The following AGBL4 variants were observed in gnomAD, a reference collection of about 807,000 sequenced individuals.
AGBL4 encodes cytosolic carboxypeptidase 6.
In AGBL4, 58 loss-of-function variants were observed where a neutral mutation model predicts 66.4. The ratio of observed to expected loss-of-function variants is 0.87; its 90% CI spans 0.71 to 1.09. The LOEUF (loss-of-function observed/expected upper bound fraction) is 1.09. Ranked by LOEUF, AGBL4 falls within the 50% of genes least tolerant of loss-of-function variation. The pLI is 0.00. For synonymous variants in AGBL4, 234 were observed against 222.9 expected, an observed-to-expected ratio of 1.05 and a Z score of -0.44; for missense variants, 579 against 631.0, an observed-to-expected ratio of 0.92 and a Z score of 0.88.
intron 6 of AGBL4, among the ~76,000 whole-genome samples, chr1:48,730,940 T>C (rs1648026153): frequency 6.6e-6 from 1 of 152,242 alleles, no homozygotes; most frequent in African/African-American, 2.4e-5. Flanking sequence ...AGCAAGACTC[T>C]GCTTCAGCTC....
intron 3 of AGBL4, among the ~76,000 whole-genome samples, chr1:49,597,923 C>T (rs1315327295): frequency 2.0e-5 from 3 of 152,084 alleles, no homozygotes; most frequent in African/African-American, 2.4e-5. Flanking sequence ...TGGGCTGAGC[C>T]GATGGGGTTT....
intron 1 of AGBL4, among the ~76,000 whole-genome samples, chr1:49,942,392 C>T (rs553859292): frequency 4.0e-4 from 60 of 151,710 alleles, no homozygotes; most frequent in Non-Finnish European, 7.8e-4. Context: ...CAAACTTGAG[C>T]GAAAAAACAA....
At chr1:49,978,607 G>A (rs12404447) in intron 1 of AGBL4, among the ~76,000 whole-genome samples, 48,163 of 152,000 alleles carry the variant, frequency 0.32, 8,399 homozygotes, top group East Asian at 0.73. Context: ...GACAATGTGA[G>A]AATATGGAAA....
chr1:48,766,599 A>C (rs571668015), intron 6 of AGBL4, among the ~76,000 whole-genome samples: 1 of 152,332 alleles, frequency 6.6e-6, no homozygotes, highest in East Asian at 1.9e-4. Flanking sequence ...TGAATAGTCC[A>C]GGAAGCTCTG....
intron 2 of AGBL4, among the ~76,000 whole-genome samples, chr1:49,796,582 T>C (rs1644735934): frequency 6.6e-6 from 1 of 151,376 alleles, no homozygotes; most frequent in African/African-American, 2.4e-5. Flanking sequence ...TAAAAATTCG[T>C]TCATGTATAA....
intron 6 of AGBL4, among the ~76,000 whole-genome samples, chr1:48,697,902 C>T (rs763057147): frequency 5.9e-5 from 9 of 152,284 alleles, no homozygotes; most frequent in East Asian, 1.9e-4. Context: ...GAGAAAAAAA[C>T]GTTATATGCA....
intron 5 of AGBL4, among the ~76,000 whole-genome samples, chr1:49,005,134 A>G (rs575662826): frequency 6.6e-6 from 1 of 152,322 alleles, no homozygotes; most frequent in South Asian, 2.1e-4. Flanking sequence ...TTGAAAAATC[A>G]TATCACCTAT....
At chr1:48,751,989 A>C (rs747640067) in intron 6 of AGBL4, among the ~76,000 whole-genome samples, 7 of 152,224 alleles carry the variant, frequency 4.6e-5, no homozygotes, top group Non-Finnish European at 1.0e-4. Flanking sequence ...AAGATGACTG[A>C]TATTTTTCAG....
intron 3 of AGBL4, among the ~76,000 whole-genome samples, chr1:49,251,701 T>C (rs1446272484): frequency 6.6e-6 from 1 of 152,148 alleles, no homozygotes; most frequent in Non-Finnish European, 1.5e-5. Context: ...GCAGATGCTG[T>C]ACCTCAGTTC....
At chr1:48,545,944 C>A (rs1257045663) in intron 11 of AGBL4, among the ~76,000 whole-genome samples, 2 of 152,172 alleles carry the variant, frequency 1.3e-5, no homozygotes, top group African/African-American at 4.8e-5. Flanking sequence ...GGGCTCCTCC[C>A]ATGTGTATAC....
At chr1:49,339,632 T>A (rs1163067359) in intron 3 of AGBL4, among the ~76,000 whole-genome samples, 1 of 152,234 alleles carries the variant, frequency 6.6e-6, no homozygotes, top group Non-Finnish European at 1.5e-5. Flanking sequence ...AGTGCTGATG[T>A]TTCTAAACTA....
intron 4 of AGBL4, among the ~76,000 whole-genome samples, chr1:49,145,227 T>A (rs1210470294): frequency 2.0e-5 from 3 of 152,158 alleles, no homozygotes; most frequent in Non-Finnish European, 4.4e-5. Context: ...TAATCTCACA[T>A]CATTCTCTAC....
chr1:49,322,959 C>A (rs951846438), intron 3 of AGBL4, among the ~76,000 whole-genome samples: 1 of 152,120 alleles, frequency 6.6e-6, no homozygotes, highest in African/African-American at 2.4e-5. Flanking sequence ...TGTAATATTT[C>A]TTATATTGTC....
At chr1:49,083,528 A>T (rs1644844244) in intron 4 of AGBL4, among the ~76,000 whole-genome samples, 1 of 152,106 alleles carries the variant, frequency 6.6e-6, no homozygotes, top group Non-Finnish European at 1.5e-5. Context: ...ACAGCTGGAG[A>T]GGTTGGGACA....
At chr1:49,160,119 G>A (rs1457720683) in intron 4 of AGBL4, among the ~76,000 whole-genome samples, 1 of 152,158 alleles carries the variant, frequency 6.6e-6, no homozygotes, top group Non-Finnish European at 1.5e-5. Flanking sequence ...GTGAGGAGTT[G>A]TGATACTTTG....
chr1:49,770,877 T>C (rs1644036790), intron 2 of AGBL4, among the ~76,000 whole-genome samples: 1 of 152,180 alleles, frequency 6.6e-6, no homozygotes, highest in Non-Finnish European at 1.5e-5. Flanking sequence ...TCATCTCTGA[T>C]TTTATTTATT....
At chr1:49,526,010 T>C (rs964031070) in intron 3 of AGBL4, among the ~76,000 whole-genome samples, 1 of 151,710 alleles carries the variant, frequency 6.6e-6, no homozygotes, top group Non-Finnish European at 1.5e-5. Context: ...GAGAATGGCG[T>C]GAACCCTGGG....
chr1:49,188,012 C>A (rs1569991435), intron 4 of AGBL4, among the ~76,000 whole-genome samples: 1 of 152,108 alleles, frequency 6.6e-6, no homozygotes, highest in Non-Finnish European at 1.5e-5. Context: ...AGTTTCCCTG[C>A]ACATGCTCTC....
chr1:48,874,659 C>A (rs1014227542), intron 5 of AGBL4, among the ~76,000 whole-genome samples: 1 of 152,062 alleles, frequency 6.6e-6, no homozygotes, highest in Non-Finnish European at 1.5e-5. Context: ...ATTTTCAGAA[C>A]CAAGTTTCAG....
Sources: allele counts gnomAD v4.1 joint callset (sites outside exome capture counted in the v4.1 genomes callset), GRCh38; gene constraint gnomAD v4.1.1; transcripts MANE v1.5; gene names NCBI Gene and HGNC (gene_info 2026-07-23, HGNC 2026-07-21).